ENPEP: variants seen among roughly 807,000 people sequenced by gnomAD.
ENPEP encodes glutamyl aminopeptidase, also known as AP-A.
In ENPEP, 103 loss-of-function variants were observed where a neutral mutation model predicts 114.5. The ratio of observed to expected loss-of-function variants is 0.90; its 90% CI spans 0.77 to 1.06. The LOEUF is 1.06. ENPEP is among the 50% of genes least tolerant of loss of function. The pLI, the probability that ENPEP is intolerant of heterozygous loss-of-function variation, is 0.00. For synonymous variants in ENPEP, 420 were observed against 422.0 expected (o/e 1.00, Z 0.06); for missense variants, 1,196 against 1,161.3 (o/e 1.03, Z -0.43).
chr4:110,507,961 C>T (rs1725430312), intron 4 of ENPEP, among the ~76,000 whole-genome samples: 2 of 152,130 alleles, frequency 1.3e-5, no homozygotes, highest in Admixed American at 6.5e-5. Flanking sequence ...CAGAAGACCT[C>T]ATCTCAATTT....
Position 110,562,072 on chromosome 4 carries a change from A to G in ENPEP, c.*514A>G, listed in dbSNP as rs879510695. On this transcript the variant is annotated 3_prime_UTR_variant, in exon 20 of 20. Transcript: ENST00000265162. The stretch of plus-strand genomic sequence containing the variant: ...TGTCTTACTACTTTAAATCCTACCA[A>G]AGTAACCTGGGCTTAAGTTTTACTT... The G allele has an allele frequency of 5.3e-5, 8 of 152,176 alleles. No homozygotes were observed. The highest frequency in any genetic ancestry group is 1.0e-4 in the Non-Finnish European group (7 of 68,030). The allele number at this position is 152,176 out of a possible 1,614,324, so 9.4% of individuals were successfully genotyped here.
At chr4:110,484,770 T>TTATATATA (rs34624302) in intron 1 of ENPEP, among the ~76,000 whole-genome samples, 11 of 142,662 alleles carry the variant, frequency 7.7e-5, no homozygotes, top group Non-Finnish European at 1.5e-4. Flanking sequence ...ATATATTATA[T>TTATATATA]TATATATATA....
chr4:110,500,282 A>G (rs1401975642), intron 3 of ENPEP: 1 of 152,236 alleles, frequency 6.6e-6, no homozygotes, highest in African/African-American at 2.4e-5. Context: ...GCAGGCTCCA[A>G]TATGATAAGG....
chr4:110,487,439 C>A (rs761494170), intron 1 of ENPEP, among the ~76,000 whole-genome samples: 1 of 152,118 alleles, frequency 6.6e-6, no homozygotes, highest in African/African-American at 2.4e-5. Flanking sequence ...GTCATAATTT[C>A]CTCTGTTATA....
intron 1 of ENPEP, among the ~76,000 whole-genome samples, chr4:110,484,306 G>A (rs1724420643): frequency 6.6e-6 from 1 of 152,158 alleles, no homozygotes; most frequent in African/African-American, 2.4e-5. Flanking sequence ...CTAAAAGTCT[G>A]GGGTTTTGTG....
Position 110,561,253 on chromosome 4 carries a change from C to T in ENPEP, c.2722-153C>T, listed in dbSNP as rs188805112. On this transcript the variant is annotated intron_variant, in intron 19 of 19. Transcript: ENST00000265162. ...CTATTGCTAATCTGAGAGATGGGTT[C>T]AGTCTGAATGATGCGCCAGAGGTGT... is the stretch of plus-strand genomic sequence containing the variant. Among the ~76,000 whole-genome samples the T allele has an allele frequency of 5.3e-5, 8 of 152,276 alleles. No homozygotes were observed. The East Asian group carries it at 1.3e-3, about 26-fold the overall frequency.
At chr4:110,558,501 C>T (rs1727570183) in intron 18 of ENPEP, among the ~76,000 whole-genome samples, 1 of 151,860 alleles carries the variant, frequency 6.6e-6, no homozygotes, top group Non-Finnish European at 1.5e-5. Context: ...CACCATGTTG[C>T]CCAGGGTGGT....
At chr4:110,534,500 G>A (rs644539) in intron 11 of ENPEP, among the ~76,000 whole-genome samples, 1 of 128,654 alleles carries the variant, frequency 7.8e-6, no homozygotes, top group Non-Finnish European at 1.6e-5. Context: ...TCTTTTCGTT[G>A]TTTCTTTTTT....
intron 18 of ENPEP, 69 bp from the exon 19 acceptor site, chr4:110,559,578 T>G: frequency 9.1e-7 from 1 of 1,101,690 alleles, no homozygotes; most frequent in Non-Finnish European, 1.4e-6. Context: ...AAAGGAAACA[T>G]CTGCATTTAG....
intron 1 of ENPEP, 146 bp downstream of exon 1, chr4:110,477,204 G>A: frequency 2.5e-6 from 3 of 1,181,652 alleles, no homozygotes; most frequent in East Asian, 5.1e-5. Flanking sequence ...GTCCATCTGG[G>A]AAGCCAAAAT....
Position 110,563,775 on chromosome 4 carries a change from A to C in ENPEP, c.*2217A>C, listed in dbSNP as rs773267407. 1.3e-5 allele frequency: 2 copies of C among 152,200 alleles called. No homozygotes were observed. The highest frequency in any genetic ancestry group is 2.4e-5 in the African/African-American group (1 of 41,458). The allele number at this position is 152,200 out of a possible 1,614,324, so 9.4% of individuals were successfully genotyped here. ...TCCCCTCTAGGCAGCCCACTCCTGT[A>C]TTCCAGATCATTGCTATGTACCCAC... is the stretch of plus-strand genomic sequence containing the variant. On this transcript the variant is annotated 3_prime_UTR_variant, in exon 20 of 20. Coordinates refer to ENST00000265162, the MANE Select transcript of ENPEP (RefSeq NM_001977.4).
chr4:110,519,229 C>T lies in ENPEP; in HGVS notation c.1510-779C>T, dbSNP rs142562758. ...AAAAGAAGAGGAATTTAGGAGGTAACGTGATTTAGGTACAGCACCTACTGA... is the reference window on the plus strand; with the variant it reads ...AAAAGAAGAGGAATTTAGGAGGTAATGTGATTTAGGTACAGCACCTACTGA... On this transcript the variant is annotated intron_variant, in intron 8 of 19. Transcript: ENST00000265162. The T allele has an allele frequency of 2.4e-3, 973 of 399,474 alleles. 7 individuals are homozygous for T. The highest frequency in any genetic ancestry group is 0.018 in the African/African-American group (881 of 48,776). 24.7% of individuals were successfully genotyped at this position (399,474 alleles called of 1,614,324 possible). A position where few individuals can be genotyped will look rare whatever the true frequency, so the allele number is the denominator to read the frequency against.
chr4:110,481,034 C>A (rs1724294773), intron 1 of ENPEP, among the ~76,000 whole-genome samples: 1 of 152,134 alleles, frequency 6.6e-6, no homozygotes, highest in African/African-American at 2.4e-5. Context: ...TATATATTTT[C>A]TTCTCTCCAA....
At chr4:110,488,515 C>CGTTT (rs778451448) in intron 1 of ENPEP, 26 bp from the exon 2 acceptor site, 37 of 1,572,292 alleles carry the variant, frequency 2.4e-5, no homozygotes, top group Middle Eastern at 1.7e-4. Context: ...GCATGCATTT[C>CGTTT]GTTTGTTTGT....
At chr4:110,553,780 T>C (rs561173823) in intron 18 of ENPEP, among the ~76,000 whole-genome samples, 2 of 152,104 alleles carry the variant, frequency 1.3e-5, no homozygotes, top group East Asian at 1.9e-4. Context: ...CAGGCACATA[T>C]TTAGTTCTCA....
chr4:110,484,665 CTT>C (rs1404815405), intron 1 of ENPEP, among the ~76,000 whole-genome samples: 7 of 150,118 alleles, frequency 4.7e-5, no homozygotes, highest in African/African-American at 9.8e-5. Context: ...AGCAGAATGT[CTT>C]TTAAAGAGAG....
chr4:110,517,018 A>G (rs1725799362), intron 8 of ENPEP, among the ~76,000 whole-genome samples: 1 of 152,070 alleles, frequency 6.6e-6, no homozygotes, highest in African/African-American at 2.4e-5. Context: ...ATCTTGGCTC[A>G]TTGCAACCTC....
At chr4:110,478,882 C>T (rs1237191903) in intron 1 of ENPEP, among the ~76,000 whole-genome samples, 2 of 152,094 alleles carry the variant, frequency 1.3e-5, no homozygotes, top group African/African-American at 2.4e-5. Context: ...CTTCTAAATA[C>T]CTCTTTGTAT....
intron 17 of ENPEP, 30 bp downstream of exon 17, chr4:110,549,916 A>T (rs1315099277): frequency 1.3e-5 from 20 of 1,529,958 alleles, no homozygotes; most frequent in Non-Finnish European, 1.8e-5. Context: ...CACATATATA[A>T]ATAGTATTTA....
Sources: allele counts gnomAD v4.1 joint callset (sites outside exome capture counted in the v4.1 genomes callset), GRCh38; gene constraint gnomAD v4.1.1; transcripts MANE v1.5; gene names NCBI Gene and HGNC (gene_info 2026-07-23, HGNC 2026-07-21).